The following NCALD variants were observed in gnomAD, a reference collection of about 807,000 sequenced individuals.
The protein encoded by NCALD is neurocalcin delta.
NCALD carries 10 observed loss-of-function variants against 18.6 expected under a neutral mutation model. The observed-to-expected ratio is 0.54, with a 90% CI of 0.33 to 0.91. The LOEUF is 0.91. Ranked by LOEUF, NCALD falls within the 40% of genes least tolerant of loss-of-function variation. The pLI, the probability that NCALD is intolerant of heterozygous loss-of-function variation, is 0.03. For synonymous variants in NCALD, 88 were observed against 87.4 expected, an observed-to-expected ratio of 1.01 and a Z score of -0.04; for missense variants, 184 against 247.6, an observed-to-expected ratio of 0.74 and a Z score of 1.72.
intron 1 of NCALD, among the ~76,000 whole-genome samples, chr8:102,047,898 T>C (rs566292912): frequency 4.3e-4 from 66 of 152,196 alleles, no homozygotes; most frequent in Non-Finnish European, 7.5e-4. Context: ...GAGGATATGA[T>C]GCTATTTTTA....
intron 2 of NCALD, among the ~76,000 whole-genome samples, chr8:101,697,606 T>C (rs1316038362): frequency 6.6e-6 from 1 of 152,126 alleles, no homozygotes; most frequent in Non-Finnish European, 1.5e-5. Flanking sequence ...CATGATCAAG[T>C]TGGCTTCATC....
chr8:101,773,693 T>C (rs1024010454), intron 1 of NCALD, among the ~76,000 whole-genome samples: 4 of 152,234 alleles, frequency 2.6e-5, no homozygotes, highest in Non-Finnish European at 5.9e-5. Context: ...GCTCTCTAGC[T>C]GATTCTTATG....
chr8:101,788,239 C>A (rs1455551551), intron 1 of NCALD, among the ~76,000 whole-genome samples: 3 of 152,164 alleles, frequency 2.0e-5, no homozygotes, highest in Admixed American at 6.6e-5. Flanking sequence ...CACTAACGTA[C>A]ATATCAATTG....
At chr8:101,690,445 C>T (rs530819627) in intron 3 of NCALD, 3 of 985,346 alleles carry the variant, frequency 3.0e-6, no homozygotes, top group Non-Finnish European at 3.6e-6. Flanking sequence ...GCCTGCCTGG[C>T]TCTGCACGCC....
chr8:102,051,059 T>C (rs1166492897), intron 1 of NCALD, among the ~76,000 whole-genome samples: 1 of 151,926 alleles, frequency 6.6e-6, no homozygotes, highest in African/African-American at 2.4e-5. Context: ...ATACTCTCAT[T>C]TGGAAGAAAT....
At chr8:101,754,109 G>A (rs926194986) in intron 1 of NCALD, among the ~76,000 whole-genome samples, 4 of 152,020 alleles carry the variant, frequency 2.6e-5, no homozygotes, top group South Asian at 4.2e-4. Flanking sequence ...GGGGTGTGTC[G>A]ACAGGTACCA....
chr8:102,036,949 G>C (rs1475979586), intron 1 of NCALD, among the ~76,000 whole-genome samples: 1 of 152,006 alleles, frequency 6.6e-6, no homozygotes, highest in Non-Finnish European at 1.5e-5. Context: ...TGATCCAGAG[G>C]CTTTATTTCC....
intron 1 of NCALD, among the ~76,000 whole-genome samples, chr8:102,045,515 A>G (rs1823207184): frequency 6.6e-6 from 1 of 152,252 alleles, no homozygotes; most frequent in Non-Finnish European, 1.5e-5. Context: ...AAGAAAAAGT[A>G]CTGGTTTATG....
chr8:102,107,195 C>CATAT (rs67447416), intron 1 of NCALD, among the ~76,000 whole-genome samples: 2,187 of 88,858 alleles, frequency 0.025, 58 homozygotes, highest in Middle Eastern at 0.029. Flanking sequence ...TATGTGTGTA[C>CATAT]ATATATATAT....
In NCALD at chr8:102,040,954, G is replaced by GTTA. The variant is rs1404761215; in HGVS notation, c.-209-20666_-209-20665insTAA. ...GCTGATGTGGTTATACCCTGTAAAA[G>GTTA]TTTAAGGGGTGGTTAGGTTACAGGT... On this transcript the variant is annotated intron_variant, in intron 1 of 6. Coordinates refer to the NCALD transcript ENST00000311028. Among the ~76,000 whole-genome samples, 5 of 135,672 alleles carry GTTA rather than the reference G, an allele frequency of 3.7e-5. No individual in the cohort carries two copies. The East Asian group carries it at 9.8e-4, about 27-fold the overall frequency. The allele number at this position is 135,672 out of a possible 152,430, so 89.0% of individuals were successfully genotyped here.
At chr8:102,055,578 A>G (rs1273441214) in intron 1 of NCALD, among the ~76,000 whole-genome samples, 3 of 152,226 alleles carry the variant, frequency 2.0e-5, no homozygotes, top group African/African-American at 7.2e-5. Flanking sequence ...GGTGGTGCCA[A>G]ATGAACCCTT....
intron 2 of NCALD, among the ~76,000 whole-genome samples, chr8:101,917,307 A>T (rs1818005252): frequency 6.6e-6 from 1 of 152,080 alleles, no homozygotes; most frequent in Admixed American, 6.6e-5. Flanking sequence ...GAAAACAGAG[A>T]TTCAACACAT....
chr8:101,835,682 C>T (rs562669654), intron 4 of NCALD, among the ~76,000 whole-genome samples: 1 of 152,216 alleles, frequency 6.6e-6, no homozygotes, highest in African/African-American at 2.4e-5. Flanking sequence ...AGAACTTGCT[C>T]ATATGGTATA....
chr8:102,012,327 C>T lies in NCALD; in HGVS notation c.-157+7910G>A, dbSNP rs117893682. Among the ~76,000 whole-genome samples the T allele has an allele frequency of 3.7e-3, 569 of 152,318 alleles. 1 individual carries two copies. The highest frequency in any genetic ancestry group is 6.8e-3 in the Non-Finnish European group (463 of 68,022). On this transcript the variant is annotated intron_variant, in intron 2 of 6. Transcript: ENST00000311028. ...GATGTCATTTTCTCTAATTAAGGAA[C>T]TCTCAAGAAAAACCAAAATAGCCAC... is the stretch of plus-strand genomic sequence containing the variant.
intron 3 of NCALD, among the ~76,000 whole-genome samples, chr8:101,907,919 G>C (rs979527061): frequency 6.6e-6 from 1 of 152,106 alleles, no homozygotes; most frequent in Non-Finnish European, 1.5e-5. Context: ...TCTTTTATTG[G>C]GGAGATGCCA....
intron 4 of NCALD, among the ~76,000 whole-genome samples, chr8:101,865,128 G>A (rs1232102776): frequency 6.6e-6 from 1 of 152,152 alleles, no homozygotes; most frequent in East Asian, 1.9e-4. Context: ...CTAAGATTAT[G>A]TGCATAAATA....
chr8:101,707,461 G>T (rs945397821), intron 2 of NCALD, among the ~76,000 whole-genome samples: 1 of 152,154 alleles, frequency 6.6e-6, no homozygotes, highest in Non-Finnish European at 1.5e-5. Flanking sequence ...TCTGGCTGCT[G>T]TATAGATATG....
chr8:101,882,791 T>C (rs1226206792), intron 4 of NCALD, among the ~76,000 whole-genome samples: 1 of 152,220 alleles, frequency 6.6e-6, no homozygotes, highest in East Asian at 1.9e-4. Flanking sequence ...ACTCTCTATG[T>C]AGCTATGCAA....
At chr8:102,066,934 C>A (rs1452881862) in intron 1 of NCALD, among the ~76,000 whole-genome samples, 1 of 152,214 alleles carries the variant, frequency 6.6e-6, no homozygotes, top group African/African-American at 2.4e-5. Context: ...CTCTACCCAT[C>A]TCCATTTGCC....
Sources: allele counts gnomAD v4.1 joint callset (sites outside exome capture counted in the v4.1 genomes callset), GRCh38; gene constraint gnomAD v4.1.1; transcripts MANE v1.5; gene names NCBI Gene and HGNC (gene_info 2026-07-23, HGNC 2026-07-21).